The following DHRS3 variants were observed in gnomAD, a reference collection of about 807,000 sequenced individuals.
DHRS3 encodes short-chain dehydrogenase/reductase 3.
Under a neutral mutation model 27.2 loss-of-function variants are expected in DHRS3, and 14 were observed. That is an observed-to-expected ratio of 0.52 (90% CI 0.34 to 0.81). DHRS3 has a LOEUF of 0.81. Ranked by LOEUF, DHRS3 falls within the 30% of genes least tolerant of loss-of-function variation. DHRS3 has a pLI of 0.01. For synonymous variants in DHRS3, 165 were observed against 175.9 expected, an observed-to-expected ratio of 0.94 and a Z score of 0.49; for missense variants, 322 against 406.2, an observed-to-expected ratio of 0.79 and a Z score of 1.78.
At chr1:12,599,342 G>A (rs1162497099) in intron 1 of DHRS3, among the ~76,000 whole-genome samples, 1 of 152,226 alleles carries the variant, frequency 6.6e-6, no homozygotes, top group Non-Finnish European at 1.5e-5. Flanking sequence ...GGCCCATAGG[G>A]CCAGTTGAGG....
intron 4 of DHRS3, among the ~76,000 whole-genome samples, chr1:12,576,557 G>A (rs996491966): frequency 3.5e-5 from 5 of 144,800 alleles, no homozygotes; most frequent in East Asian, 2.0e-4. Context: ...GCAAGATTCC[G>A]TCTTAAAAAA....
chr1:12,572,720 C>A lies in DHRS3; in HGVS notation c.824+8G>T. The A allele has an allele frequency of 6.3e-7, 1 of 1,586,244 alleles. No individual in the cohort carries two copies. Among genetic ancestry groups the A allele is most frequent in the Non-Finnish European group, 8.6e-7 (1 of 1,165,698 alleles). Reference sequence around the variant, plus strand: ...CCTGACCCAGAGTGTTCTTTCCCAGCCCCATACCTTTTCAAGATAACGAGG... The same window carrying A: ...CCTGACCCAGAGTGTTCTTTCCCAGACCCATACCTTTTCAAGATAACGAGG... On this transcript the variant is annotated splice_region_variant and intron_variant, in intron 5 of 5. Transcript: ENST00000616661.
intron 5 of DHRS3, 88 bp from the exon 6 acceptor site, chr1:12,568,512 A>G: frequency 1.6e-6 from 2 of 1,288,374 alleles, no homozygotes; most frequent in Non-Finnish European, 2.2e-6. Context: ...GAGACGGGGC[A>G]GCAGAGGGCT....
At chr1:12,616,202 AAC>A (rs1204413609) in intron 1 of DHRS3, among the ~76,000 whole-genome samples, 3 of 152,126 alleles carry the variant, frequency 2.0e-5, no homozygotes, top group Non-Finnish European at 4.4e-5. Context: ...CCTAGTTCAC[AAC>A]AGTTTAAGTT....
intron 4 of DHRS3, among the ~76,000 whole-genome samples, chr1:12,573,098 C>A (rs1490875357): frequency 6.6e-6 from 1 of 152,204 alleles, no homozygotes; most frequent in South Asian, 2.1e-4. Context: ...ACCCACTCTC[C>A]CAAGCCCTCC....
chr1:12,568,450 T>C lies in DHRS3; in HGVS notation c.825-26A>G, dbSNP rs373903388. On this transcript the variant is annotated intron_variant, in intron 5 of 5. Coordinates refer to ENST00000616661, the MANE Select transcript of DHRS3 (RefSeq NM_004753.7). ...CTGGAGTAGGAGGAAGAAAAGAAGA[T>C]AGCGATGGTTAGTGGGGCAGGATCC... 4 of 1,607,452 alleles carry C rather than the reference T, an allele frequency of 2.5e-6. No individual in the cohort carries two copies. In the South Asian group the frequency reaches 3.3e-5, roughly 13 times the overall value.
chr1:12,600,334 G>A, intron 1 of DHRS3: 1 of 985,270 alleles, frequency 1.0e-6, no homozygotes, highest in Non-Finnish European at 1.2e-6. Flanking sequence ...GCCCTCGGAG[G>A]GCACCATGTG....
chr1:12,604,778 C>T (rs13373899), intron 1 of DHRS3, among the ~76,000 whole-genome samples: 3,418 of 152,256 alleles, frequency 0.022, 53 homozygotes, highest in Middle Eastern at 0.054. Context: ...TGGCCGGGTG[C>T]GGTGGCTCAC....
intron 1 of DHRS3, among the ~76,000 whole-genome samples, chr1:12,606,311 C>CAAAA (rs56928608): frequency 1.1e-4 from 11 of 98,224 alleles, no homozygotes; most frequent in African/African-American, 3.4e-4. Flanking sequence ...CAATTAACAG[C>CAAAA]AAAAAAAAAA....
chr1:12,577,162 G>GGA (rs1224556578), intron 4 of DHRS3, among the ~76,000 whole-genome samples: 3 of 151,902 alleles, frequency 2.0e-5, no homozygotes, highest in Non-Finnish European at 4.4e-5. Context: ...ACTGTACGCT[G>GGA]GATTGCAAAA....
chr1:12,601,404 G>T (rs1220059582), intron 1 of DHRS3, among the ~76,000 whole-genome samples: 1 of 152,078 alleles, frequency 6.6e-6, no homozygotes, highest in African/African-American at 2.4e-5. Context: ...AGCTGGAAAG[G>T]TTACGTTACG....
chr1:12,579,374 C>T lies in DHRS3; in HGVS notation c.378G>A (p.Val126=), dbSNP rs1187759143. 2.5e-6 allele frequency: 4 copies of T among 1,614,184 alleles called. No homozygotes were observed. The highest frequency in any genetic ancestry group is 3.3e-5 in the Admixed American group (2 of 60,022). ...TGTCCATTAGGCTCTTCCCATGGAC[C>T]ACGGCGGCATTGTTCACCAGGATGG... ...DITILVNNAA[V]VHGKSLMDSD... is the part of the protein sequence containing the mutation. The change falls in exon 3 of 6, where the codon GTG becomes GTA. Residue 126 remains valine (V), a synonymous_variant. Transcript: ENST00000616661.
At chr1:12,615,118 C>T (rs1646935860) in intron 1 of DHRS3, among the ~76,000 whole-genome samples, 2 of 152,046 alleles carry the variant, frequency 1.3e-5, no homozygotes, top group Non-Finnish European at 2.9e-5. Context: ...TTCCAAACTC[C>T]CCACCATGAC....
chr1:12,615,773 C>T (rs550063725), intron 1 of DHRS3, among the ~76,000 whole-genome samples: 7 of 152,298 alleles, frequency 4.6e-5, no homozygotes, highest in African/African-American at 9.6e-5. Flanking sequence ...TATGGGGCAT[C>T]GCCTCAAGGA....
Position 12,594,901 on chromosome 1 carries a change from G to T in DHRS3, c.196-14235C>A, listed in dbSNP as rs1310444078. ...GGGATTCTGGACGGTTGCAGAGCTG[G>T]GTGCTGGAGAAAGTGAGCTTCCCAG... On this transcript the variant is annotated intron_variant, in intron 1 of 5. Transcript: ENST00000616661. This position sits in a 1 kb window ranked among gnomAD's most constrained non-coding sequence, Gnocchi z 4.1. Among the ~76,000 whole-genome samples, 1 of 152,180 alleles carries T rather than the reference G, an allele frequency of 6.6e-6. No individual in the cohort carries two copies. Among genetic ancestry groups the T allele is most frequent in the Non-Finnish European group, 1.5e-5 (1 of 68,022 alleles).
At chr1:12,607,684 C>T (rs967308100) in intron 1 of DHRS3, among the ~76,000 whole-genome samples, 9 of 152,056 alleles carry the variant, frequency 5.9e-5, no homozygotes, top group Non-Finnish European at 1.2e-4. Context: ...ATCCATTTCT[C>T]TTCAGCTAAT....
In DHRS3 at chr1:12,577,914, T is replaced by C. The variant is rs1178919116; in HGVS notation, c.698+804A>G. ...CTTAAGCAGACAGTTTGATTAACTT[T>C]CACGTATTTAATGACTGCTAAGTTC... is the stretch of plus-strand genomic sequence containing the variant. On this transcript the variant is annotated intron_variant, in intron 4 of 5. Transcript: ENST00000616661. Among the ~76,000 whole-genome samples, 3 of 152,184 alleles carry C rather than the reference T, an allele frequency of 2.0e-5. No individual in the cohort carries two copies. The East Asian group carries it at 5.8e-4, about 29-fold the overall frequency.
intron 1 of DHRS3, among the ~76,000 whole-genome samples, chr1:12,604,089 G>T (rs1414187809): frequency 6.6e-6 from 1 of 152,188 alleles, no homozygotes; most frequent in East Asian, 1.9e-4. Context: ...CCTTCTTCCT[G>T]GGATAGAGTT....
rs74055571 is a variant in DHRS3 at position 12,588,121 on chromosome 1, C to T, written c.196-7455G>A. On this transcript the variant is annotated intron_variant, in intron 1 of 5. Coordinates refer to ENST00000616661, the MANE Select transcript of DHRS3 (RefSeq NM_004753.7). Reference sequence around the variant, plus strand: ...CTGTGTCCCTACCTGGTGCCCGGCCCGGGCTGTTTTTCTCTGTTTCAAATG... The same window carrying T: ...CTGTGTCCCTACCTGGTGCCCGGCCTGGGCTGTTTTTCTCTGTTTCAAATG... Among the ~76,000 whole-genome samples, 1,484 of 152,298 alleles carry T rather than the reference C, an allele frequency of 9.7e-3. 22 individuals carry two copies. The highest frequency in any genetic ancestry group is 0.034 in the African/African-American group (1,417 of 41,544).
Sources: gnomAD v4.1 joint callset for allele counts (sites outside exome capture counted in the v4.1 genomes callset) on GRCh38, gnomAD v4.1.1 for gene constraint, Gnocchi (gnomAD v3.1) non-coding constraint, MANE v1.5 for transcripts, NCBI Gene and HGNC (gene_info 2026-07-23, HGNC 2026-07-21) for gene names.